Variants in RALGPS1 observed in about 807,000 individuals in gnomAD.
RALGPS1 encodes the protein ras-specific guanine nucleotide-releasing factor RalGPS1.
A neutral mutation model predicts 78.8 loss-of-function variants in RALGPS1; 19 were observed. The ratio of observed to expected loss-of-function variants is 0.24; its 90% confidence interval spans 0.17 to 0.35. The LOEUF is 0.35. RALGPS1 is among the 10% of genes least tolerant of loss of function. The pLI is 1.00. For missense variants in RALGPS1, 454 were observed against 688.3 expected (o/e 0.66, Z 3.81); for synonymous variants, 228 against 256.3 (o/e 0.89, Z 1.06).
At chr9:127,150,878 G>A (rs1012320657) in intron 8 of RALGPS1, among the ~76,000 whole-genome samples, 2 of 152,120 alleles carry the variant, frequency 1.3e-5, no homozygotes, top group African/African-American at 4.8e-5. Flanking sequence ...TACAGTGGGT[G>A]TGATCCATTA....
chr9:126,939,556 A>G (rs1434471842), intron 1 of RALGPS1, among the ~76,000 whole-genome samples: 1 of 152,184 alleles, frequency 6.6e-6, no homozygotes, highest in African/African-American at 2.4e-5. Flanking sequence ...GTTAATCCTT[A>G]CCACAGCCAC....
chr9:126,965,801 G>C, intron 2 of RALGPS1, 43 bp from the exon 3 acceptor site: 1 of 1,475,528 alleles, frequency 6.8e-7, no homozygotes, highest in Non-Finnish European at 9.5e-7. Context: ...ATGATTCCAC[G>C]TCATATCATT....
chr9:127,131,067 C>A (rs895388174), intron 8 of RALGPS1, among the ~76,000 whole-genome samples: 3 of 152,282 alleles, frequency 2.0e-5, no homozygotes, highest in Admixed American at 2.0e-4. Flanking sequence ...CACTATTGGC[C>A]GCTCCTTGGT....
chr9:127,067,283 A>T (rs892899890), intron 7 of RALGPS1, among the ~76,000 whole-genome samples: 2 of 152,150 alleles, frequency 1.3e-5, no homozygotes, highest in African/African-American at 2.4e-5. Context: ...TGAATTCCCT[A>T]GTGGGAAAAG....
chr9:127,071,669 A>G lies in RALGPS1; in HGVS notation c.610+2313A>G, dbSNP rs953777510. 9.9e-5 allele frequency among the ~76,000 whole-genome samples: 15 copies of G among 151,908 alleles called. No homozygotes were observed. The South Asian group carries it at 3.1e-3, about 32-fold the overall frequency. Reference sequence around the variant, plus strand: ...CTAATTACTGCTTTTGTTGCATCCTACGTGTTTTGGTGTGTAATAGTCTCA... The same window carrying G: ...CTAATTACTGCTTTTGTTGCATCCTGCGTGTTTTGGTGTGTAATAGTCTCA... On this transcript the variant is annotated intron_variant, in intron 8 of 18. Transcript: ENST00000259351.
chr9:127,196,643 C>A lies in RALGPS1; in HGVS notation c.1195+12C>A, dbSNP rs201685185. 12 of 1,576,218 alleles carry A rather than the reference C, an allele frequency of 7.6e-6. No individual in the cohort carries two copies. The highest frequency in any genetic ancestry group is 1.0e-5 in the Non-Finnish European group (12 of 1,159,650). On this transcript the variant is annotated intron_variant, in intron 13 of 18. Transcript: ENST00000259351. The stretch of plus-strand genomic sequence containing the variant: ...TGGACTCTCCCTAGGTAAGCGTCTC[C>A]GGCCTGCACATGATAGGCTGGTGGG...
intron 1 of RALGPS1, among the ~76,000 whole-genome samples, chr9:126,949,840 G>A (rs1304229894): frequency 6.6e-6 from 1 of 151,880 alleles, no homozygotes; most frequent in East Asian, 1.9e-4. Context: ...TGTCAATTTT[G>A]GCTTTTGTTG....
At chr9:127,092,317 T>A (rs2052585777) in intron 8 of RALGPS1, among the ~76,000 whole-genome samples, 1 of 152,154 alleles carries the variant, frequency 6.6e-6, no homozygotes, top group Non-Finnish European at 1.5e-5. Flanking sequence ...GAGCTTCACC[T>A]CCTTCTCTGG....
At chr9:127,044,066 C>A (rs1028399902) in intron 5 of RALGPS1, among the ~76,000 whole-genome samples, 3 of 152,130 alleles carry the variant, frequency 2.0e-5, no homozygotes, top group Admixed American at 2.0e-4. Flanking sequence ...TATCCACACA[C>A]AAAAAACAGC....
intron 8 of RALGPS1, among the ~76,000 whole-genome samples, chr9:127,132,472 C>G (rs555553723): frequency 3.9e-5 from 6 of 152,206 alleles, no homozygotes; most frequent in Admixed American, 3.9e-4. Context: ...TTCATTGACA[C>G]GATGGTGTGA....
intron 8 of RALGPS1, among the ~76,000 whole-genome samples, chr9:127,094,551 A>G (rs1010947656): frequency 6.6e-6 from 1 of 152,262 alleles, no homozygotes; most frequent in South Asian, 2.1e-4. Context: ...GGCCTAGGCC[A>G]TGCCCAGAAT....
intron 4 of RALGPS1, among the ~76,000 whole-genome samples, chr9:127,009,544 G>A (rs78085348): frequency 6.6e-6 from 1 of 152,158 alleles, no homozygotes; most frequent in Non-Finnish European, 1.5e-5. Context: ...CTTTATTTGT[G>A]TTTCTTTGAT....
At chr9:126,995,757 C>G in intron 4 of RALGPS1, among the ~76,000 whole-genome samples, 1 of 152,212 alleles carries the variant, frequency 6.6e-6, no homozygotes, top group Non-Finnish European at 1.5e-5. Flanking sequence ...CACACCTACT[C>G]CAAAACTGAC....
At chr9:127,162,126 T>A (rs1413500379) in intron 8 of RALGPS1, among the ~76,000 whole-genome samples, 1 of 152,234 alleles carries the variant, frequency 6.6e-6, no homozygotes, top group Non-Finnish European at 1.5e-5. Flanking sequence ...ATGCCTTCTC[T>A]CATGCATTCC....
chr9:127,199,522 C>CTCTGCCTCCCTCGAGGATCCA (rs1254932456), intron 14 of RALGPS1, among the ~76,000 whole-genome samples: 1 of 149,484 alleles, frequency 6.7e-6, no homozygotes, highest in Non-Finnish European at 1.5e-5. Context: ...TGGCCATAGC[C>CTCTGCCTCCCTCGAGGATCCA]TCTGCCTCCC....
At chr9:127,121,739 G>T (rs1222893028) in intron 8 of RALGPS1, among the ~76,000 whole-genome samples, 1 of 152,226 alleles carries the variant, frequency 6.6e-6, no homozygotes, top group Non-Finnish European at 1.5e-5. Flanking sequence ...GCCCCTGGGT[G>T]ATGCGTCCGT....
chr9:126,993,138 G>T (rs976480637), intron 4 of RALGPS1, among the ~76,000 whole-genome samples: 5 of 152,094 alleles, frequency 3.3e-5, no homozygotes, highest in African/African-American at 1.2e-4. Context: ...TAATCATATG[G>T]TTTTTCTTTT....
intron 1 of RALGPS1, among the ~76,000 whole-genome samples, chr9:126,947,037 C>T (rs1453294772): frequency 6.6e-6 from 1 of 152,178 alleles, no homozygotes; most frequent in Non-Finnish European, 1.5e-5. Flanking sequence ...AGAAAACTCT[C>T]CTGCCAACCA....
intron 11 of RALGPS1, among the ~76,000 whole-genome samples, chr9:127,181,289 T>C (rs2060202889): frequency 6.6e-6 from 1 of 152,248 alleles, no homozygotes; most frequent in Non-Finnish European, 1.5e-5. Flanking sequence ...GCTTTGAGCC[T>C]GTACTCTCTG....
Sources: allele counts gnomAD v4.1 joint callset (sites outside exome capture counted in the v4.1 genomes callset), GRCh38; gene constraint gnomAD v4.1.1; transcripts MANE v1.5; gene names NCBI Gene and HGNC (gene_info 2026-07-23, HGNC 2026-07-21).